The following PCSK9 variants were observed in gnomAD, a reference collection of about 807,000 sequenced individuals.
PCSK9 encodes convertase subtilisin/kexin type 9 preproprotein.
In PCSK9, 57 loss-of-function variants were observed where a neutral mutation model predicts 62.1. The ratio of observed to expected loss-of-function variants is 0.92; its 90% CI spans 0.74 to 1.14. The LOEUF (loss-of-function observed/expected upper bound fraction) is 1.14. Among genes scored for constraint, PCSK9 ranks in the 50% most tolerant of loss-of-function variants. The probability of loss-of-function intolerance (pLI) is 0.00; values close to 1 mark genes in which losing one functional copy is unlikely to be tolerated. For synonymous variants in PCSK9, 387 were observed against 409.4 expected (o/e 0.95, Z 0.66); for missense variants, 870 against 959.8 (o/e 0.91, Z 1.24).
At chr1:55,049,518 C>T (rs1243412154) in intron 3 of PCSK9, among the ~76,000 whole-genome samples, 3 of 152,216 alleles carry the variant, frequency 2.0e-5, no homozygotes, top group Non-Finnish European at 4.4e-5. Context: ...AGTGGTGGCT[C>T]TTCTTGAGGC....
rs1644684315 is a variant in PCSK9, at chr1:55,052,684, C to T, written c.692C>T (p.Ala231Val). ...TGTGACAGTCATGGCACCCACCTGG[C>T]AGGGGTGGTCAGCGGCCGGGATGCC... ...SKCDSHGTHL[A>V]GVVSGRDAGV... Residue 231 changes from alanine to valine, a missense_variant, in exon 5 of 12, where the codon GCA (alanine) becomes GTA (valine). Ala to Val is a moderately conservative substitution (Grantham distance 64). Coordinates refer to ENST00000302118, the MANE Select transcript of PCSK9 (RefSeq NM_174936.4). The T allele has an allele frequency of 6.2e-7, 1 of 1,613,028 alleles. No individual in the cohort carries two copies. Among genetic ancestry groups the T allele is most frequent in the Non-Finnish European group, 8.5e-7 (1 of 1,179,890 alleles).
At chr1:55,050,982 G>T in intron 3 of PCSK9, 3 of 373,734 alleles carry the variant, frequency 8.0e-6, no homozygotes, top group South Asian at 6.0e-5. Flanking sequence ...GAGGGGCCAC[G>T]TGGAGACAGA....
At chr1:55,049,353 C>G (rs1157436422) in intron 3 of PCSK9, among the ~76,000 whole-genome samples, 3 of 152,230 alleles carry the variant, frequency 2.0e-5, no homozygotes, top group African/African-American at 7.2e-5. Flanking sequence ...TGGCCACAGT[C>G]TGAGCTTCTC....
At position 55,061,415 on chromosome 1, in the gene PCSK9, C is replaced by T. The variant is rs1268790219; in HGVS notation, c.1722C>T (p.His574=). The stretch of plus-strand genomic sequence containing the variant: ...GGGAGGTGGAGGACCTTGGCACCCA[C>T]AAGCCGCCTGTGCTGAGGCCACGAG... The part of the protein sequence containing the change: ...SHWEVEDLGT[H]KPPVLRPRGQ... The change falls in exon 11 of 12, where the codon CAC becomes CAT. Residue 574 remains histidine (H), a synonymous_variant. Transcript: ENST00000302118. 5.6e-6 allele frequency: 9 copies of T among 1,610,660 alleles called. No individual in the cohort carries two copies. In the South Asian group the frequency reaches 8.9e-5, roughly 16 times the overall value.
intron 1 of PCSK9, among the ~76,000 whole-genome samples, chr1:55,042,301 T>TA (rs1230621427): frequency 1.3e-5 from 2 of 152,212 alleles, no homozygotes; most frequent in East Asian, 3.8e-4. Context: ...TGTAAAATGT[T>TA]ACGAAAACCA....
chr1:55,063,313 G>A, intron 11 of PCSK9, 56 bp from the exon 12 acceptor site: 1 of 1,555,210 alleles, frequency 6.4e-7, no homozygotes, highest in Non-Finnish European at 8.8e-7. Context: ...ATGAAGTGTG[G>A]GTGGGGGTCC....
chr1:55,058,165 C>T lies in PCSK9; in HGVS notation c.1310C>T (p.Thr437Ile), dbSNP rs746134573. The T allele has an allele frequency of 1.9e-6, 3 of 1,613,360 alleles. No individual in the cohort carries two copies. Among genetic ancestry groups the T allele is most frequent in the Non-Finnish European group, 2.5e-6 (3 of 1,180,014 alleles). ...TTCCCTGAGGACCAGCGGGTACTGA[C>T]CCCCAACCTGGTGGCCGCCCTGCCC... The part of the protein sequence containing the change: ...AWFPEDQRVL[T>I]PNLVAALPPS... The change falls in exon 8 of 12, where the codon ACC (threonine) becomes ATC (isoleucine). Residue 437 changes from threonine to isoleucine, a missense_variant. Transcript: ENST00000302118.
chr1:55,039,621 C>A lies in PCSK9; in HGVS notation c.-217C>A. ...CAGGGTCTGAGCCTGGAGGAGTGAGCCAGGCAGTGAGACTGGCTCGGGCGG... is the reference window on the plus strand; with the variant it reads ...CAGGGTCTGAGCCTGGAGGAGTGAGACAGGCAGTGAGACTGGCTCGGGCGG... On this transcript the variant is annotated 5_prime_UTR_variant, in exon 1 of 12. Transcript: ENST00000302118. 1.6e-6 allele frequency: 1 copy of A among 621,722 alleles called. No individual in the cohort carries two copies. The highest frequency in any genetic ancestry group is 2.8e-6 in the Non-Finnish European group (1 of 356,432). The allele number at this position is 621,722 out of a possible 1,614,324, so 38.5% of individuals were successfully genotyped here.
chr1:55,053,094 G>A (rs956955551), intron 5 of PCSK9, among the ~76,000 whole-genome samples: 1 of 152,136 alleles, frequency 6.6e-6, no homozygotes, highest in Non-Finnish European at 1.5e-5. Context: ...ATGTCTTTAT[G>A]TCTTTTGTTA....
At chr1:55,051,706 T>C in intron 3 of PCSK9, 1 of 208,246 alleles carries the variant, frequency 4.8e-6, no homozygotes, top group Non-Finnish European at 9.8e-6. Context: ...TTGTGACTCG[T>C]GTGAGGCAGA....
At chr1:55,051,238 G>A in intron 3 of PCSK9, 1 of 456,086 alleles carries the variant, frequency 2.2e-6, no homozygotes, top group South Asian at 1.5e-5. Flanking sequence ...CTGTTCAGAT[G>A]GCACTTCAGA....
At chr1:55,044,527 A>G (rs560266371) in intron 2 of PCSK9, among the ~76,000 whole-genome samples, 84 of 152,240 alleles carry the variant, frequency 5.5e-4, no homozygotes, top group African/African-American at 1.9e-3. Context: ...TGGATGTCAC[A>G]TCTTCGGTGG....
intron 5 of PCSK9, among the ~76,000 whole-genome samples, chr1:55,054,755 T>C (rs1163666512): frequency 1.3e-5 from 2 of 152,102 alleles, no homozygotes; most frequent in Non-Finnish European, 2.9e-5. Flanking sequence ...CCTGTAATCT[T>C]AGCACTTTGG....
At chr1:55,058,369 C>T in intron 8 of PCSK9, 130 bp from the exon 9 acceptor site, 1 of 1,533,116 alleles carries the variant, frequency 6.5e-7, no homozygotes. Context: ...GCAATATTTT[C>T]ATAACGTGTT....
At chr1:55,051,058 G>A (rs1379832602) in intron 3 of PCSK9, 12 of 435,596 alleles carry the variant, frequency 2.8e-5, no homozygotes, top group Non-Finnish European at 5.1e-5. Context: ...GCCGGAAGAC[G>A]TGAGGCAGGG....
intron 10 of PCSK9, 147 bp downstream of exon 10, chr1:55,059,810 C>A: frequency 9.4e-7 from 1 of 1,063,984 alleles, no homozygotes; most frequent in Non-Finnish European, 1.3e-6. Flanking sequence ...ACTTCCATGC[C>A]CTTTGAGCCT....
In PCSK9 at chr1:55,052,747, T is replaced by G; in HGVS notation, c.755T>G (p.Val252Gly). 1 of 1,613,132 alleles carries G rather than the reference T, an allele frequency of 6.2e-7. No homozygotes were observed. Among genetic ancestry groups the G allele is most frequent in the Non-Finnish European group, 8.5e-7 (1 of 1,179,986 alleles). The change falls in exon 5 of 12, where the codon GTG (valine) becomes GGG (glycine). Residue 252 changes from valine to glycine, a missense_variant. By Grantham distance (109) the Val-to-Gly change is moderately radical. Coordinates refer to ENST00000302118, the MANE Select transcript of PCSK9 (RefSeq NM_174936.4). ...GGTGCCAGCATGCGCAGCCTGCGCG[T>G]GCTCAACTGCCAAGGGAAGGGCACG... ...AKGASMRSLR[V>G]LNCQGKGTVS...
chr1:55,043,444 C>T (rs75172363), intron 1 of PCSK9, among the ~76,000 whole-genome samples: 3,758 of 152,170 alleles, frequency 0.025, 150 homozygotes, highest in African/African-American at 0.083. Context: ...TTCAGGTCCA[C>T]GGTTTCCTGG....
At chr1:55,060,147 C>T (rs1241794469) in intron 10 of PCSK9, among the ~76,000 whole-genome samples, 1 of 152,250 alleles carries the variant, frequency 6.6e-6, no homozygotes, top group Middle Eastern at 3.2e-3. Flanking sequence ...AATATAAATT[C>T]TAGCTATCGT....
Sources: allele counts gnomAD v4.1 joint callset (sites outside exome capture counted in the v4.1 genomes callset), GRCh38; gene constraint gnomAD v4.1.1; transcripts MANE v1.5; gene names NCBI Gene and HGNC (gene_info 2026-07-23, HGNC 2026-07-21).